The following SH2B3 variants were observed in gnomAD, a reference collection of about 807,000 sequenced individuals.
SH2B3 encodes SH2B adapter protein 3.
SH2B3 carries 43 observed loss-of-function variants against 51.9 expected under a neutral mutation model. That is an observed-to-expected ratio of 0.83 (90% CI 0.65 to 1.07). SH2B3 has a LOEUF of 1.07. SH2B3 is among the 50% of genes least tolerant of loss of function. SH2B3 has a pLI of 0.00. For missense variants in SH2B3, 952 were observed against 834.3 expected (o/e 1.14, Z -1.74); for synonymous variants, 396 against 376.0 (o/e 1.05, Z -0.62).
chr12:111,418,120 C>T lies in SH2B3; in HGVS notation c.-26C>T, dbSNP rs1565968625. The T allele has an allele frequency of 6.8e-7, 1 of 1,477,352 alleles. No homozygotes were observed. The highest frequency in any genetic ancestry group is 8.9e-7 in the Non-Finnish European group (1 of 1,125,726). 91.5% of individuals were successfully genotyped at this position (1,477,352 alleles called of 1,614,324 possible). A position where few individuals can be genotyped will look rare whatever the true frequency, so the allele number is the denominator to read the frequency against. On this transcript the variant is annotated splice_region_variant and 5_prime_UTR_variant, in exon 2 of 8. Transcript: ENST00000341259. This position sits in a 1 kb window ranked among gnomAD's most constrained non-coding sequence, Gnocchi z 6.7. ...CCCCCCCACCCACGTGTCTTTCAGCCCGGCCGCACCACCTGGGTCTCCGCC... is the reference window on the plus strand; with the variant it reads ...CCCCCCCACCCACGTGTCTTTCAGCTCGGCCGCACCACCTGGGTCTCCGCC...
intron 2 of SH2B3, among the ~76,000 whole-genome samples, chr12:111,436,506 G>A (rs886469166): frequency 5.3e-5 from 8 of 152,098 alleles, no homozygotes; most frequent in Non-Finnish European, 1.0e-4. Flanking sequence ...CAGGCTGCAG[G>A]GGCCATGTGT....
chr12:111,422,314 G>A (rs1011491427), intron 2 of SH2B3, among the ~76,000 whole-genome samples: 7 of 152,194 alleles, frequency 4.6e-5, no homozygotes, highest in African/African-American at 1.7e-4. Context: ...AAGAGTCACC[G>A]GTGGCTGCGT....
rs964721569 is a variant in SH2B3 at position 111,435,913 on chromosome 12, C to T, written c.733-10840C>T. 4.6e-5 allele frequency among the ~76,000 whole-genome samples: 7 copies of T among 152,176 alleles called. No individual in the cohort carries two copies. The highest frequency in any genetic ancestry group is 2.6e-4 in the Admixed American group (4 of 15,282). ...TGTGGTCGTGCGAGGCGTGGGCTGA[C>T]GGCAGCTGGCATGCAGCAGGGGAGG... On this transcript the variant is annotated intron_variant, in intron 2 of 7. Transcript: ENST00000341259. The surrounding 1 kb of genome is among the most constrained non-coding windows in gnomAD (Gnocchi z 4.8).
In SH2B3 at chr12:111,423,370, T is replaced by G. The variant is rs368530546; in HGVS notation, c.732+4493T>G. Among the ~76,000 whole-genome samples, 3 of 152,080 alleles carry G rather than the reference T, an allele frequency of 2.0e-5. No individual in the cohort carries two copies. The South Asian group carries it at 6.2e-4, about 32-fold the overall frequency. On this transcript the variant is annotated intron_variant, in intron 2 of 7. Transcript: ENST00000341259. ...TGTGACACTGTAGGGTTTTTATTTT[T>G]TTATTTTTTATTTTTTTGAGACAGA... is the stretch of plus-strand genomic sequence containing the variant.
rs754036818 is a variant in SH2B3, at chr12:111,410,554, G to A, written c.-28+4277G>A. ...CTACCTCCTGAAACCTAGCTGGGGC[G>A]GTGGCTGGGATGTCAGGCTGGCGGT... On this transcript the variant is annotated intron_variant, in intron 1 of 7. Transcript: ENST00000341259. This position sits in a 1 kb window ranked among gnomAD's most constrained non-coding sequence, Gnocchi z 4.9. 5.9e-5 allele frequency among the ~76,000 whole-genome samples: 9 copies of A among 152,166 alleles called. No individual in the cohort carries two copies. The East Asian group carries it at 1.4e-3, about 23-fold the overall frequency.
In SH2B3 at chr12:111,429,002, C is replaced by T. The variant is rs1277487212; in HGVS notation, c.732+10125C>T. Among the ~76,000 whole-genome samples, 4 of 126,168 alleles carry T rather than the reference C, an allele frequency of 3.2e-5. No individual in the cohort carries two copies. Among genetic ancestry groups the T allele is most frequent in the African/African-American group, 6.1e-5 (2 of 32,540 alleles). 82.8% of individuals were successfully genotyped at this position (126,168 alleles called of 152,430 possible). A position where few individuals can be genotyped will look rare whatever the true frequency, so the allele number is the denominator to read the frequency against. On this transcript the variant is annotated intron_variant, in intron 2 of 7. Coordinates refer to ENST00000341259, the MANE Select transcript of SH2B3 (RefSeq NM_005475.3). The surrounding 1 kb of genome is among the most constrained non-coding windows in gnomAD (Gnocchi z 4.4). ...CGCCGGAGGCCTGGCGGTTTCCTCT[C>T]GGGGCAGGAGTGCGAGGAGGAGGAG...
rs781321194 is a variant in SH2B3, at chr12:111,407,590, C to G, written c.-28+1313C>G. Among the ~76,000 whole-genome samples the G allele has an allele frequency of 6.6e-6, 1 of 152,154 alleles. No homozygotes were observed. The highest frequency in any genetic ancestry group is 1.5e-5 in the Non-Finnish European group (1 of 68,028). On this transcript the variant is annotated intron_variant, in intron 1 of 7. Coordinates refer to ENST00000341259, the MANE Select transcript of SH2B3 (RefSeq NM_005475.3). The surrounding 1 kb of genome is among the most constrained non-coding windows in gnomAD (Gnocchi z 4.3). ...AGAGGCCACCTGGGCAGGCTGGGCT[C>G]GGAGGATGAGAGCCAGGGCCTACTG...
chr12:111,432,779 C>T (rs1474259297), intron 2 of SH2B3, among the ~76,000 whole-genome samples: 1 of 152,230 alleles, frequency 6.6e-6, no homozygotes. Flanking sequence ...CCTTTTGTGT[C>T]TGGCTTCCTT....
intron 2 of SH2B3, chr12:111,434,744 C>T: frequency 1.4e-6 from 2 of 1,416,648 alleles, no homozygotes; most frequent in Non-Finnish European, 1.8e-6. Context: ...ATTATTTAAT[C>T]CAGCTGGCTT....
chr12:111,446,639 C>A, intron 2 of SH2B3, 114 bp from the exon 3 acceptor site: 1 of 628,222 alleles, frequency 1.6e-6, no homozygotes, highest in South Asian at 2.1e-5. Context: ...CCAGCAACAC[C>A]ATGGATACTC....
At chr12:111,447,956 G>A (rs1252096414) in intron 7 of SH2B3, 27 bp from the exon 8 acceptor site, 2 of 1,572,304 alleles carry the variant, frequency 1.3e-6, no homozygotes, top group Admixed American at 1.7e-5. Flanking sequence ...GACTGATGGT[G>A]TGGTCTCTCT....
At chr12:111,433,115 G>T (rs929900060) in intron 2 of SH2B3, among the ~76,000 whole-genome samples, 1 of 152,216 alleles carries the variant, frequency 6.6e-6, no homozygotes, top group Admixed American at 6.5e-5. Flanking sequence ...ACTTTGGGGG[G>T]CTAAGGCAGG....
intron 2 of SH2B3, among the ~76,000 whole-genome samples, chr12:111,430,271 C>A (rs1239597921): frequency 6.6e-6 from 1 of 152,218 alleles, no homozygotes; most frequent in Admixed American, 6.5e-5. Context: ...GGGTTCCATG[C>A]AAAATCGTTT....
In SH2B3 at chr12:111,418,478, C is replaced by A. The variant is rs1345979601; in HGVS notation, c.333C>A (p.Ala111=). 7.4e-7 allele frequency: 1 copy of A among 1,351,184 alleles called. No homozygotes were observed. The highest frequency in any genetic ancestry group is 9.5e-7 in the Non-Finnish European group (1 of 1,057,266). The allele number at this position is 1,351,184 out of a possible 1,614,324, so 83.7% of individuals were successfully genotyped here. A position where few individuals can be genotyped will look rare whatever the true frequency, so the allele number is the denominator to read the frequency against. ...CCCCGGAGCCAGGCCCCGGCCCCGC[C>A]GCCCCTGGCCTGCCCAAGGCCCGCA... ...EASPEPGPGP[A]APGLPKARSS... is the part of the protein sequence containing the mutation. The change falls in exon 2 of 8, where the codon GCC becomes GCA. Residue 111 remains alanine, a synonymous_variant. Coordinates refer to ENST00000341259, the MANE Select transcript of SH2B3 (RefSeq NM_005475.3). This position sits in a 1 kb window ranked among gnomAD's most constrained non-coding sequence, Gnocchi z 6.7.
At chr12:111,446,271 C>A (rs1873944169) in intron 2 of SH2B3, among the ~76,000 whole-genome samples, 1 of 152,224 alleles carries the variant, frequency 6.6e-6, no homozygotes, top group Non-Finnish European at 1.5e-5. Flanking sequence ...GTGGCTAACT[C>A]CTATCCACCC....
At chr12:111,439,030 T>TGGCGC (rs1873154660) in intron 2 of SH2B3, among the ~76,000 whole-genome samples, 1 of 152,320 alleles carries the variant, frequency 6.6e-6, no homozygotes, top group South Asian at 2.1e-4. Flanking sequence ...TGCAGTGCAG[T>TGGCGC]GGCGCAATCT....
chr12:111,431,798 ACT>A (rs1335158610), intron 2 of SH2B3, among the ~76,000 whole-genome samples: 2 of 151,378 alleles, frequency 1.3e-5, no homozygotes, highest in Non-Finnish European at 2.9e-5. Context: ...GTAGAGACAA[ACT>A]CTCACTATGT....
chr12:111,429,038 A>G lies in SH2B3; in HGVS notation c.732+10161A>G, dbSNP rs1593051953. The stretch of plus-strand genomic sequence containing the variant: ...TGCGAGGAGGAGGAGGAGGAGGAGG[A>G]GGAGGAGGAAGAGGAGGAGGAGGAG... On this transcript the variant is annotated intron_variant, in intron 2 of 7. Coordinates refer to ENST00000341259, the MANE Select transcript of SH2B3 (RefSeq NM_005475.3). This position sits in a 1 kb window ranked among gnomAD's most constrained non-coding sequence, Gnocchi z 4.4. Among the ~76,000 whole-genome samples the G allele has an allele frequency of 7.9e-6, 1 of 126,924 alleles. No homozygotes were observed. The highest frequency in any genetic ancestry group is 1.7e-5 in the Non-Finnish European group (1 of 59,758). The allele number at this position is 126,924 out of a possible 152,430, so 83.3% of individuals were successfully genotyped here. A position where few individuals can be genotyped will look rare whatever the true frequency, so the allele number is the denominator to read the frequency against.
chr12:111,446,712 C>A, intron 2 of SH2B3, 41 bp from the exon 3 acceptor site: 2 of 1,127,404 alleles, frequency 1.8e-6, no homozygotes, highest in Non-Finnish European at 2.5e-6. Flanking sequence ...GAAGAAAGAG[C>A]ATCAGGAACA....
Sources: gnomAD v4.1 joint callset for allele counts (sites outside exome capture counted in the v4.1 genomes callset) on GRCh38, gnomAD v4.1.1 for gene constraint, Gnocchi (gnomAD v3.1) non-coding constraint, MANE v1.5 for transcripts, NCBI Gene and HGNC (gene_info 2026-07-23, HGNC 2026-07-21) for gene names.